The following FOXP1 variants were observed in gnomAD, a reference collection of about 807,000 sequenced individuals.
FOXP1 encodes forkhead box P1.
In FOXP1, 15 loss-of-function variants were observed where a neutral mutation model predicts 98.2. The observed-to-expected ratio is 0.15, with a 90% CI of 0.10 to 0.24. The LOEUF is 0.24. FOXP1 is among the 10% of genes least tolerant of loss of function. The pLI, the probability that FOXP1 is intolerant of heterozygous loss-of-function variation, is 1.00. For missense variants in FOXP1, 633 were observed against 848.5 expected, an observed-to-expected ratio of 0.75 and a Z score of 3.15; for synonymous variants, 371 against 314.5, an observed-to-expected ratio of 1.18 and a Z score of -1.90.
At chr3:71,162,191 T>A (rs928473711) in intron 6 of FOXP1, among the ~76,000 whole-genome samples, 1 of 152,234 alleles carries the variant, frequency 6.6e-6, no homozygotes, top group African/African-American at 2.4e-5. Context: ...GCTGAACAGG[T>A]AGCTCCTCTG....
chr3:71,503,621 A>C (rs1412808598), intron 2 of FOXP1, among the ~76,000 whole-genome samples: 5 of 151,256 alleles, frequency 3.3e-5, no homozygotes, highest in East Asian at 3.9e-4. Context: ...AAAAAAAAAA[A>C]CACCACGAAT....
chr3:71,367,074 A>G (rs1238831038), intron 3 of FOXP1, among the ~76,000 whole-genome samples: 1 of 152,196 alleles, frequency 6.6e-6, no homozygotes, highest in Non-Finnish European at 1.5e-5. Context: ...ATACATCTTG[A>G]TCACAAAGTT....
chr3:70,978,556 T>G (rs913687759), intron 14 of FOXP1, among the ~76,000 whole-genome samples: 3 of 152,150 alleles, frequency 2.0e-5, no homozygotes, highest in Non-Finnish European at 4.4e-5. Flanking sequence ...TTAATAAATG[T>G]AAATGGAAAG....
intron 7 of FOXP1, among the ~76,000 whole-genome samples, chr3:71,089,626 A>G (rs1377033372): frequency 6.6e-6 from 1 of 152,176 alleles, no homozygotes; most frequent in African/African-American, 2.4e-5. Context: ...TCCCTGCCCC[A>G]TCCTTGCCAC....
chr3:71,148,509 A>C (rs1040214813), intron 6 of FOXP1, among the ~76,000 whole-genome samples: 2 of 152,182 alleles, frequency 1.3e-5, no homozygotes, highest in Non-Finnish European at 2.9e-5. Context: ...ATTTTTTCTC[A>C]TTTATTTTTG....
intron 7 of FOXP1, among the ~76,000 whole-genome samples, chr3:71,068,562 A>T (rs1419197285): frequency 6.6e-6 from 1 of 152,192 alleles, no homozygotes; most frequent in East Asian, 1.9e-4. Flanking sequence ...GGATACGAGC[A>T]TGGGGTGAAA....
At chr3:71,425,084 T>C (rs1431749606) in intron 3 of FOXP1, among the ~76,000 whole-genome samples, 7 of 150,654 alleles carry the variant, frequency 4.6e-5, no homozygotes, top group Admixed American at 2.7e-4. Flanking sequence ...ACAAGGTGTC[T>C]TCATTTTCCT....
At chr3:71,086,007 C>T (rs1466969502) in intron 7 of FOXP1, among the ~76,000 whole-genome samples, 1 of 151,972 alleles carries the variant, frequency 6.6e-6, no homozygotes, top group East Asian at 1.9e-4. Context: ...GGATTACAGG[C>T]GTGAGCCACC....
At chr3:71,333,676 A>T (rs1001153832) in intron 4 of FOXP1, 3 of 151,936 alleles carry the variant, frequency 2.0e-5, no homozygotes, top group African/African-American at 7.3e-5. Flanking sequence ...ATACAAAGAA[A>T]TAGCTGGGTG....
intron 6 of FOXP1, among the ~76,000 whole-genome samples, chr3:71,131,403 CAA>C (rs10681690): frequency 5.5e-4 from 70 of 126,518 alleles, no homozygotes; most frequent in African/African-American, 1.8e-3. Context: ...TATTCAATAA[CAA>C]AAAAAAAAAA....
rs1237778824 is a variant in FOXP1 at position 70,981,493 on chromosome 3, G to A, written c.1147-3464C>T. 2.0e-5 allele frequency among the ~76,000 whole-genome samples: 3 copies of A among 152,186 alleles called. No individual in the cohort carries two copies. In the East Asian group the frequency reaches 5.8e-4, roughly 29 times the overall value. ...ACTCTAATTAGGAGACGCGGATGGA[G>A]GTGATCTAATGATTAAATGCTGCAT... On this transcript the variant is annotated intron_variant, in intron 14 of 20. Coordinates refer to ENST00000649528, the MANE Select transcript of FOXP1 (RefSeq NM_001349338.3).
chr3:71,083,105 G>T (rs865782873), intron 7 of FOXP1, among the ~76,000 whole-genome samples: 12 of 152,198 alleles, frequency 7.9e-5, no homozygotes, highest in Admixed American at 7.9e-4. Flanking sequence ...ACCAAATCTT[G>T]TGTTGAACTG....
At chr3:71,214,731 T>C (rs901184739) in intron 5 of FOXP1, among the ~76,000 whole-genome samples, 3 of 151,930 alleles carry the variant, frequency 2.0e-5, no homozygotes, top group African/African-American at 7.3e-5. Flanking sequence ...TTGATCACGT[T>C]CTCCCCCAAA....
At chr3:71,063,626 AT>A (rs1028085329) in intron 7 of FOXP1, among the ~76,000 whole-genome samples, 8 of 151,998 alleles carry the variant, frequency 5.3e-5, no homozygotes, top group Non-Finnish European at 8.8e-5. Context: ...AATGTAACTT[AT>A]TTTTTTTCTT....
At chr3:71,125,123 C>T (rs1285635200) in intron 6 of FOXP1, among the ~76,000 whole-genome samples, 2 of 152,162 alleles carry the variant, frequency 1.3e-5, no homozygotes, top group African/African-American at 4.8e-5. Flanking sequence ...ATTCTCAATG[C>T]AGGAATGGCT....
intron 2 of FOXP1, among the ~76,000 whole-genome samples, chr3:71,566,596 T>C (rs558074777): frequency 1.8e-4 from 27 of 152,342 alleles, no homozygotes; most frequent in Admixed American, 2.0e-4. Context: ...ACGTTCAAAA[T>C]CTATGACTGT....
At chr3:71,244,403 A>G (rs1030197339) in intron 5 of FOXP1, among the ~76,000 whole-genome samples, 2 of 152,008 alleles carry the variant, frequency 1.3e-5, no homozygotes, top group African/African-American at 4.8e-5. Flanking sequence ...CCCCCGAAGC[A>G]CAGAGTTGAG....
At chr3:71,261,382 T>C (rs2069122345) in intron 5 of FOXP1, among the ~76,000 whole-genome samples, 2 of 152,028 alleles carry the variant, frequency 1.3e-5, no homozygotes, top group South Asian at 4.2e-4. Context: ...AGCCAATTCT[T>C]GTATTATTTT....
chr3:71,293,635 A>T (rs1415776623), intron 5 of FOXP1, among the ~76,000 whole-genome samples: 1 of 152,218 alleles, frequency 6.6e-6, no homozygotes, highest in Non-Finnish European at 1.5e-5. Flanking sequence ...CTTCTGCTTG[A>T]AAACGAACTC....
Sources: allele counts gnomAD v4.1 joint callset (sites outside exome capture counted in the v4.1 genomes callset), GRCh38; gene constraint gnomAD v4.1.1; transcripts MANE v1.5; gene names NCBI Gene and HGNC (gene_info 2026-07-23, HGNC 2026-07-21).